Variants in BMPR1B observed in about 807,000 individuals in gnomAD.
BMPR1B encodes bone morphogenetic protein receptor type 1B.
Under a neutral mutation model 59.1 loss-of-function variants are expected in BMPR1B, and 12 were observed. That is an observed-to-expected ratio of 0.20 (90% CI 0.13 to 0.33). The LOEUF is 0.33. Among genes scored for constraint, BMPR1B ranks in the 10% least tolerant of loss-of-function variants. The probability of loss-of-function intolerance (pLI) is 1.00; values close to 1 mark genes in which losing one functional copy is unlikely to be tolerated. For synonymous variants in BMPR1B, 237 were observed against 207.3 expected (o/e 1.14, Z -1.23); for missense variants, 550 against 610.9 (o/e 0.90, Z 1.05).
chr4:95,034,560 T>G (rs902279360), intron 3 of BMPR1B, among the ~76,000 whole-genome samples: 2 of 152,116 alleles, frequency 1.3e-5, no homozygotes, highest in African/African-American at 4.8e-5. Flanking sequence ...TTATTTCACT[T>G]AGAATAACCG....
At chr4:94,962,480 C>G (rs1388040313) in intron 2 of BMPR1B, among the ~76,000 whole-genome samples, 2 of 152,054 alleles carry the variant, frequency 1.3e-5, no homozygotes, top group Non-Finnish European at 2.9e-5. Flanking sequence ...AATTTTTTCT[C>G]TCCGCTACCC....
intron 10 of BMPR1B, among the ~76,000 whole-genome samples, chr4:95,141,610 C>T (rs948637428): frequency 5.3e-5 from 8 of 152,140 alleles, no homozygotes; most frequent in South Asian, 2.1e-4. Context: ...GATGTGCTGG[C>T]GGACATCACC....
intron 1 of BMPR1B, among the ~76,000 whole-genome samples, chr4:94,759,451 T>C (rs963151868): frequency 2.0e-5 from 3 of 152,252 alleles, no homozygotes; most frequent in African/African-American, 7.2e-5. Flanking sequence ...AAGCACTTAA[T>C]GGAAATCTCT....
intron 1 of BMPR1B, among the ~76,000 whole-genome samples, chr4:94,808,958 G>A (rs968162962): frequency 6.6e-6 from 1 of 152,160 alleles, no homozygotes; most frequent in Non-Finnish European, 1.5e-5. Context: ...GGGAGGCTGA[G>A]GCAGGAGAAT....
At chr4:95,135,339 A>G (rs545198941) in intron 10 of BMPR1B, among the ~76,000 whole-genome samples, 1 of 152,290 alleles carries the variant, frequency 6.6e-6, no homozygotes, top group Non-Finnish European at 1.5e-5. Flanking sequence ...TGACTTAGCA[A>G]TGCGGGCTCT....
At chr4:95,138,751 G>A (rs1733993945) in intron 10 of BMPR1B, among the ~76,000 whole-genome samples, 1 of 152,094 alleles carries the variant, frequency 6.6e-6, no homozygotes, top group African/African-American at 2.4e-5. Context: ...ATGGTTTTCA[G>A]CTCCATCAAG....
intron 1 of BMPR1B, among the ~76,000 whole-genome samples, chr4:94,770,204 T>TTTTTTTTC (rs1722133742): frequency 2.1e-5 from 3 of 144,282 alleles, no homozygotes; most frequent in South Asian, 2.2e-4. Context: ...TTTTTTTTTT[T>TTTTTTTTC]GCGAAAGCAA....
At chr4:95,062,696 T>C (rs2149207093) in intron 3 of BMPR1B, among the ~76,000 whole-genome samples, 1 of 152,324 alleles carries the variant, frequency 6.6e-6, no homozygotes, top group Non-Finnish European at 1.5e-5. Context: ...GCATGGTTAA[T>C]GTTCCTTTCC....
intron 2 of BMPR1B, among the ~76,000 whole-genome samples, chr4:94,976,963 A>G (rs1422453022): frequency 1.3e-5 from 2 of 152,016 alleles, no homozygotes; most frequent in African/African-American, 4.8e-5. Flanking sequence ...TGTAGCTGAT[A>G]ATTTCCTCTG....
chr4:95,109,699 T>TTTA (rs10597656), intron 4 of BMPR1B, among the ~76,000 whole-genome samples: 176 of 146,962 alleles, frequency 1.2e-3, no homozygotes, highest in Middle Eastern at 7.1e-3. Flanking sequence ...AGAACTTCTT[T>TTTA]TTATTATTAT....
At chr4:94,988,620 A>G (rs1721551619) in intron 2 of BMPR1B, among the ~76,000 whole-genome samples, 1 of 152,192 alleles carries the variant, frequency 6.6e-6, no homozygotes, top group Admixed American at 6.5e-5. Context: ...ATTTCAGTTG[A>G]AAAGAACAAA....
intron 3 of BMPR1B, among the ~76,000 whole-genome samples, chr4:95,033,490 A>G (rs1271861458): frequency 3.3e-5 from 5 of 152,044 alleles, no homozygotes; most frequent in Non-Finnish European, 5.9e-5. Flanking sequence ...TAAGTCTCCA[A>G]CTTCCTTCTT....
At chr4:95,012,832 C>A (rs1723316725) in intron 3 of BMPR1B, among the ~76,000 whole-genome samples, 1 of 151,890 alleles carries the variant, frequency 6.6e-6, no homozygotes, top group Non-Finnish European at 1.5e-5. Flanking sequence ...TGATAAAATA[C>A]AATAGTACTG....
intron 3 of BMPR1B, among the ~76,000 whole-genome samples, chr4:95,009,870 T>C (rs1723100334): frequency 6.6e-6 from 1 of 152,192 alleles, no homozygotes; most frequent in Admixed American, 6.5e-5. Context: ...GATCTTTCAC[T>C]GAAGAGGAGT....
intron 3 of BMPR1B, among the ~76,000 whole-genome samples, chr4:95,081,375 C>T (rs560630679): frequency 1.7e-4 from 26 of 152,130 alleles, no homozygotes; most frequent in Non-Finnish European, 2.6e-4. Flanking sequence ...ACTGGTTATT[C>T]AGACTTGGGT....
intron 2 of BMPR1B, among the ~76,000 whole-genome samples, chr4:94,929,555 C>T (rs1324452330): frequency 6.6e-6 from 1 of 152,138 alleles, no homozygotes; most frequent in African/African-American, 2.4e-5. Flanking sequence ...TCACCCACTT[C>T]TGACCACTTG....
Position 95,071,648 on chromosome 4 carries a change from G to GTATATATATATATA in BMPR1B, c.-17-32759_-17-32758insATATATATATATAT, listed in dbSNP as rs1553933769. ...TATGTGTGTTTGTGTGTGTGTGTGT[G>GTATATATATATATA]TGTGTATATATATATATATATATAT... On this transcript the variant is annotated intron_variant, in intron 3 of 12. Coordinates refer to ENST00000515059, the MANE Select transcript of BMPR1B (RefSeq NM_001203.3). 1.6e-3 allele frequency among the ~76,000 whole-genome samples: 165 copies of GTATATATATATATA among 104,694 alleles called. 1 individual carries two copies. The highest frequency in any genetic ancestry group is 5.3e-3 in the African/African-American group (134 of 25,108). 68.7% of individuals were successfully genotyped at this position (104,694 alleles called of 152,430 possible). A position where few individuals can be genotyped will look rare whatever the true frequency, so the allele number is the denominator to read the frequency against.
In BMPR1B at chr4:94,758,799, C is replaced by A. The variant is rs113895459; in HGVS notation, c.-183+731C>A. ...TCCTTATTGCTATCCTTTGCCTCTC[C>A]CCCCGGTCTCTCTTTCCTTCCGTGC... On this transcript the variant is annotated intron_variant, in intron 1 of 12. Coordinates refer to ENST00000515059, the MANE Select transcript of BMPR1B (RefSeq NM_001203.3). Among the ~76,000 whole-genome samples, 891 of 152,148 alleles carry A rather than the reference C, an allele frequency of 5.9e-3. 3 individuals carry two copies. The highest frequency in any genetic ancestry group is 0.021 in the African/African-American group (856 of 41,512).
intron 3 of BMPR1B, among the ~76,000 whole-genome samples, chr4:95,098,647 C>G (rs1465133294): frequency 6.6e-6 from 1 of 151,846 alleles, no homozygotes; most frequent in East Asian, 1.9e-4. Context: ...AGGTGAGTCT[C>G]CCCAGGTTCA....
Sources: allele counts gnomAD v4.1 joint callset (sites outside exome capture counted in the v4.1 genomes callset), GRCh38; gene constraint gnomAD v4.1.1; transcripts MANE v1.5; gene names NCBI Gene and HGNC (gene_info 2026-07-23, HGNC 2026-07-21).